The following BPTF variants were observed in gnomAD, a reference collection of about 807,000 sequenced individuals.
The protein encoded by BPTF is nucleosome-remodeling factor subunit BPTF.
A neutral mutation model predicts 292.5 loss-of-function variants in BPTF; 18 were observed. That is an observed-to-expected ratio of 0.06 (90% CI 0.04 to 0.09). BPTF has a LOEUF of 0.09. Among genes scored for constraint, BPTF ranks in the 10% least tolerant of loss-of-function variants. The probability of loss-of-function intolerance (pLI) is 1.00; values close to 1 mark genes in which losing one functional copy is unlikely to be tolerated. For missense variants in BPTF, 2,726 were observed against 3,498.7 expected, an observed-to-expected ratio of 0.78 and a Z score of 5.57; for synonymous variants, 1,225 against 1,251.9, an observed-to-expected ratio of 0.98 and a Z score of 0.45.
At chr17:67,835,633 G>C (rs1309283549) in intron 1 of BPTF, among the ~76,000 whole-genome samples, 1 of 151,226 alleles carries the variant, frequency 6.6e-6, no homozygotes, top group Non-Finnish European at 1.5e-5. Flanking sequence ...AAGTTAACAT[G>C]TGATTAGAAA....
At chr17:67,941,057 A>G (rs1458739126) in intron 19 of BPTF, among the ~76,000 whole-genome samples, 2 of 152,258 alleles carry the variant, frequency 1.3e-5, no homozygotes, top group African/African-American at 4.8e-5. Context: ...GAAACTTCAC[A>G]AGCTGATACT....
At chr17:67,883,070 C>G (rs1389858814) in intron 4 of BPTF, among the ~76,000 whole-genome samples, 4 of 150,948 alleles carry the variant, frequency 2.6e-5, no homozygotes, top group Non-Finnish European at 5.9e-5. Flanking sequence ...AATCCCAGCG[C>G]TTTGGGAGGC....
chr17:67,966,810 G>A (rs1191822285), intron 26 of BPTF, among the ~76,000 whole-genome samples, 154 bp downstream of exon 26: 25 of 152,102 alleles, frequency 1.6e-4, no homozygotes, highest in Admixed American at 5.9e-4. Flanking sequence ...ATCTATTAAA[G>A]TTTAATTGTG....
At chr17:67,944,832 T>C (rs1489205091) in intron 20 of BPTF, among the ~76,000 whole-genome samples, 1 of 152,130 alleles carries the variant, frequency 6.6e-6, no homozygotes, top group Non-Finnish European at 1.5e-5. Flanking sequence ...GCAATTAGCC[T>C]GGGCCAGATG....
At chr17:67,873,188 T>C (rs1474079988) in intron 3 of BPTF, among the ~76,000 whole-genome samples, 4 of 152,170 alleles carry the variant, frequency 2.6e-5, no homozygotes, top group Non-Finnish European at 5.9e-5. Flanking sequence ...CCCGGTGCAG[T>C]GGCTCACGCC....
intron 26 of BPTF, among the ~76,000 whole-genome samples, chr17:67,967,267 G>A (rs1169491666): frequency 3.4e-5 from 5 of 149,062 alleles, no homozygotes; most frequent in Admixed American, 6.7e-5. Context: ...TCAGCCTCCC[G>A]AGTAGCTGGG....
intron 19 of BPTF, among the ~76,000 whole-genome samples, chr17:67,940,965 G>A (rs2065314897): frequency 1.3e-5 from 2 of 152,160 alleles, no homozygotes; most frequent in South Asian, 2.1e-4. Context: ...TGCAAGACTC[G>A]ATATTGTTAG....
At chr17:67,840,315 C>G (rs1325029657) in intron 1 of BPTF, among the ~76,000 whole-genome samples, 1 of 151,988 alleles carries the variant, frequency 6.6e-6, no homozygotes, top group Non-Finnish European at 1.5e-5. Context: ...TTATGTTGCC[C>G]AGACTGATTT....
intron 26 of BPTF, among the ~76,000 whole-genome samples, chr17:67,969,452 CAAAAA>C (rs11360473): frequency 4.2e-5 from 2 of 47,986 alleles, no homozygotes; most frequent in East Asian, 6.2e-4. Context: ...ACTCTGTCTC[CAAAAA>C]AAAAAAAAAA....
At chr17:67,907,319 A>G (rs1488734344) in intron 9 of BPTF, among the ~76,000 whole-genome samples, 1 of 150,882 alleles carries the variant, frequency 6.6e-6, no homozygotes, top group Non-Finnish European at 1.5e-5. Context: ...AAAGAGAATA[A>G]TGAACTCATT....
At chr17:67,953,891 T>C (rs1418364205) in intron 23 of BPTF, among the ~76,000 whole-genome samples, 1 of 151,508 alleles carries the variant, frequency 6.6e-6, no homozygotes, top group Non-Finnish European at 1.5e-5. Context: ...TATAATTTCA[T>C]TTGGAGTGAA....
At chr17:67,919,964 T>A (rs1426212689) in intron 12 of BPTF, 51 bp from the exon 13 acceptor site, 2 of 1,548,222 alleles carry the variant, frequency 1.3e-6, no homozygotes, top group East Asian at 4.5e-5. Context: ...ACCTTTTTAG[T>A]CTCTGAGTAT....
intron 26 of BPTF, among the ~76,000 whole-genome samples, chr17:67,967,013 T>A (rs1555687863): frequency 1.3e-5 from 2 of 151,228 alleles, no homozygotes; most frequent in African/African-American, 2.4e-5. Context: ...GGCAGGAGAA[T>A]CGCTTGAACC....
chr17:67,834,775 G>T (rs2056996335), intron 1 of BPTF, among the ~76,000 whole-genome samples: 1 of 152,096 alleles, frequency 6.6e-6, no homozygotes, highest in Admixed American at 6.6e-5. Flanking sequence ...TCTCTGTAGT[G>T]CCTGGTTCAA....
chr17:67,963,426 C>T (rs1729572658), intron 24 of BPTF: 4 of 1,536,046 alleles, frequency 2.6e-6, no homozygotes. Flanking sequence ...ATGTGTACAT[C>T]TGTAATGATT....
intron 1 of BPTF, among the ~76,000 whole-genome samples, chr17:67,835,295 C>A (rs568885902): frequency 1.4e-4 from 21 of 152,266 alleles, no homozygotes; most frequent in South Asian, 8.3e-4. Context: ...GCTCTATAGC[C>A]ACATGTATTG....
intron 24 of BPTF, among the ~76,000 whole-genome samples, chr17:67,961,676 G>T (rs112399193): frequency 6.6e-6 from 1 of 152,004 alleles, no homozygotes; most frequent in Non-Finnish European, 1.5e-5. Context: ...GAGAGACCCC[G>T]TCTGTACAAA....
intron 11 of BPTF, among the ~76,000 whole-genome samples, chr17:67,917,843 G>T (rs1469469567): frequency 6.6e-6 from 1 of 151,662 alleles, no homozygotes; most frequent in Non-Finnish European, 1.5e-5. Context: ...ACAGAGTCTC[G>T]CTCTGTCGCC....
Position 67,826,132 on chromosome 17 carries a change from A to G in BPTF, c.408A>G (p.Glu136=), listed in dbSNP as rs761292486. ...YDDHESEEEE[E]EEDMVSEEEE... is the part of the protein sequence containing the mutation. Reference sequence around the variant, plus strand: ...ACCACGAGAGCGAGGAGGAGGAGGAAGAGGAGGACATGGTCTCCGAGGAGG... The same window carrying G: ...ACCACGAGAGCGAGGAGGAGGAGGAGGAGGAGGACATGGTCTCCGAGGAGG... Residue 136 remains glutamate (E), a synonymous_variant, in exon 1 of 28, where the codon GAA becomes GAG. Transcript: ENST00000306378. The G allele has an allele frequency of 2.1e-6, 3 of 1,432,868 alleles. No individual in the cohort carries two copies. Among genetic ancestry groups the G allele is most frequent in the Non-Finnish European group, 2.9e-6 (3 of 1,019,200 alleles). The allele number at this position is 1,432,868 out of a possible 1,614,324, so 88.8% of individuals were successfully genotyped here. A position where few individuals can be genotyped will look rare whatever the true frequency, so the allele number is the denominator to read the frequency against.
Sources: gnomAD v4.1 joint callset for allele counts (sites outside exome capture counted in the v4.1 genomes callset) on GRCh38, gnomAD v4.1.1 for gene constraint, MANE v1.5 for transcripts, NCBI Gene and HGNC (gene_info 2026-07-23, HGNC 2026-07-21) for gene names.